TTC9: variants seen among roughly 807,000 people sequenced by gnomAD.
TTC9 encodes tetratricopeptide repeat domain 9.
TTC9 carries 13 observed loss-of-function variants against 22.9 expected under a neutral mutation model. That is an observed-to-expected ratio of 0.57 (90% CI 0.37 to 0.90). TTC9 has a LOEUF of 0.90. Ranked by LOEUF, TTC9 falls within the 40% of genes least tolerant of loss-of-function variation. The probability of loss-of-function intolerance (pLI) is 0.01; values close to 1 mark genes in which losing one functional copy is unlikely to be tolerated. For synonymous variants in TTC9, 148 were observed against 133.2 expected, an observed-to-expected ratio of 1.11 and a Z score of -0.77; for missense variants, 280 against 291.8, an observed-to-expected ratio of 0.96 and a Z score of 0.29.
At chr14:70,643,870 G>T (rs879042401) in intron 1 of TTC9, among the ~76,000 whole-genome samples, 3 of 152,200 alleles carry the variant, frequency 2.0e-5, no homozygotes, top group Admixed American at 2.0e-4. Flanking sequence ...AGGATTAATA[G>T]AGTAGTAGTA....
chr14:70,672,499 G>A lies in TTC9; in HGVS notation c.*1344G>A, dbSNP rs568326799. ...AATATGCTGTGGGACATGGGATGTC[G>A]TCTCAGTCTTCAAGGAAATGGAAGG... On this transcript the variant is annotated 3_prime_UTR_variant, in exon 3 of 3. Transcript: ENST00000256367. 18 of 152,254 alleles carry A rather than the reference G, an allele frequency of 1.2e-4. No individual in the cohort carries two copies. The highest frequency in any genetic ancestry group is 4.3e-4 in the African/African-American group (18 of 41,540). 9.4% of individuals were successfully genotyped at this position (152,254 alleles called of 1,614,324 possible). A position where few individuals can be genotyped will look rare whatever the true frequency, so the allele number is the denominator to read the frequency against.
intron 1 of TTC9, among the ~76,000 whole-genome samples, chr14:70,643,388 G>A (rs1019285925): frequency 3.9e-5 from 6 of 152,200 alleles, no homozygotes; most frequent in African/African-American, 1.4e-4. Flanking sequence ...AATATTTAAA[G>A]TCTCTTAAAA....
At chr14:70,645,166 A>G (rs1004791529) in intron 1 of TTC9, among the ~76,000 whole-genome samples, 3 of 152,164 alleles carry the variant, frequency 2.0e-5, no homozygotes, top group Non-Finnish European at 2.9e-5. Flanking sequence ...TGGAAGCCTT[A>G]TGTTTGTTTC....
At chr14:70,646,026 C>T (rs1170539312) in intron 1 of TTC9, among the ~76,000 whole-genome samples, 1 of 152,174 alleles carries the variant, frequency 6.6e-6, no homozygotes, top group Non-Finnish European at 1.5e-5. Context: ...CTAGAATGTG[C>T]TAAGAGATGT....
chr14:70,654,587 CAAAAAAAAAAAAAAAAAAAAAA>C (rs61046584), intron 1 of TTC9, among the ~76,000 whole-genome samples: 1 of 57,166 alleles, frequency 1.7e-5, no homozygotes, highest in East Asian at 3.4e-4. Context: ...GGCTCTGTCT[CAAAAAAAAAAAAAAAAAAAAAA>C]AAAAAAAAAA....
At chr14:70,667,154 G>A (rs1158871402) in intron 1 of TTC9, among the ~76,000 whole-genome samples, 1 of 152,180 alleles carries the variant, frequency 6.6e-6, no homozygotes, top group Admixed American at 6.5e-5. Context: ...CTCTGTGTGT[G>A]TCTGTCTTTG....
intron 1 of TTC9, among the ~76,000 whole-genome samples, chr14:70,666,051 A>G (rs1207535152): frequency 6.6e-6 from 1 of 151,980 alleles, no homozygotes; most frequent in Non-Finnish European, 1.5e-5. Flanking sequence ...CGAAGTATGC[A>G]ACATACTTTG....
At position 70,642,204 on chromosome 14, in the gene TTC9, ACCG is replaced by A; in HGVS notation, c.83_85del (p.Pro28del). 1.6e-6 allele frequency: 2 copies of A among 1,249,696 alleles called. No homozygotes were observed. 77.4% of individuals were successfully genotyped at this position (1,249,696 alleles called of 1,614,324 possible). A position where few individuals can be genotyped will look rare whatever the true frequency, so the allele number is the denominator to read the frequency against. ...CCGCGGCCGGAGAGGGGCAGCGGCC[ACCG>A]CCGCCGCTGTGCGTCCCGGGCGGCG... On this transcript the variant is annotated inframe_deletion, in exon 1 of 3. Transcript: ENST00000256367.
chr14:70,653,198 A>T (rs568458253), intron 1 of TTC9, among the ~76,000 whole-genome samples: 1 of 152,366 alleles, frequency 6.6e-6, no homozygotes, highest in Admixed American at 6.5e-5. Flanking sequence ...GATGCTAGTT[A>T]ATATTTGAAT....
intron 1 of TTC9, among the ~76,000 whole-genome samples, chr14:70,659,888 TG>T (rs1886120803): frequency 6.6e-6 from 1 of 152,188 alleles, no homozygotes; most frequent in Non-Finnish European, 1.5e-5. Flanking sequence ...ATTGTGACTT[TG>T]GGCAAGTGAC....
intron 1 of TTC9, among the ~76,000 whole-genome samples, chr14:70,662,527 C>A (rs1051304608): frequency 6.6e-6 from 1 of 151,986 alleles, no homozygotes; most frequent in African/African-American, 2.4e-5. Flanking sequence ...AGATACCTGA[C>A]CTTGATTAAT....
At chr14:70,642,579 G>C (rs1200546639) in intron 1 of TTC9, 44 bp downstream of exon 1, 1 of 1,503,346 alleles carries the variant, frequency 6.7e-7, no homozygotes, top group Non-Finnish European at 8.9e-7. Context: ...CCGTTCTTCG[G>C]CCCGGTCCCT....
In TTC9 at chr14:70,671,169, C is replaced by T; in HGVS notation, c.*14C>T. On this transcript the variant is annotated 3_prime_UTR_variant, in exon 3 of 3. Coordinates refer to ENST00000256367, the MANE Select transcript of TTC9 (RefSeq NM_015351.2). ...GAAGCCATGTAACCAGGAAGCAGCT[C>T]CAGAGCTGCGCCCACGCCTGACCGG... 1 of 1,612,388 alleles carries T rather than the reference C, an allele frequency of 6.2e-7. No homozygotes were observed. Among genetic ancestry groups the T allele is most frequent in the Non-Finnish European group, 8.5e-7 (1 of 1,178,994 alleles).
chr14:70,644,548 T>C (rs959578038), intron 1 of TTC9, among the ~76,000 whole-genome samples: 1 of 152,188 alleles, frequency 6.6e-6, no homozygotes, highest in Non-Finnish European at 1.5e-5. Flanking sequence ...GCAATGTTCT[T>C]GTCATCATAC....
intron 1 of TTC9, among the ~76,000 whole-genome samples, chr14:70,656,937 G>C (rs1886075383): frequency 6.6e-6 from 1 of 152,130 alleles, no homozygotes; most frequent in Admixed American, 6.5e-5. Context: ...CAAAGTCAAG[G>C]GTGAGAGTAA....
chr14:70,652,201 G>A lies in TTC9; in HGVS notation c.406+9666G>A, dbSNP rs557764584. Among the ~76,000 whole-genome samples, 8 of 152,294 alleles carry A rather than the reference G, an allele frequency of 5.3e-5. No individual in the cohort carries two copies. In the East Asian group the frequency reaches 5.8e-4, roughly 11 times the overall value. ...TGCCTTGATCTTTCTGGGAGCAGTC[G>A]GATTTGGGGAAGGAAACAGGAGACA... On this transcript the variant is annotated intron_variant, in intron 1 of 2. Coordinates refer to ENST00000256367, the MANE Select transcript of TTC9 (RefSeq NM_015351.2).
At position 70,672,718 on chromosome 14, in the gene TTC9, T is replaced by C. The variant is rs942131481; in HGVS notation, c.*1563T>C. 6.6e-6 allele frequency: 1 copy of C among 152,238 alleles called. No individual in the cohort carries two copies. The highest frequency in any genetic ancestry group is 1.5e-5 in the Non-Finnish European group (1 of 68,040). The allele number at this position is 152,238 out of a possible 1,614,324, so 9.4% of individuals were successfully genotyped here. A position where few individuals can be genotyped will look rare whatever the true frequency, so the allele number is the denominator to read the frequency against. On this transcript the variant is annotated 3_prime_UTR_variant, in exon 3 of 3. Coordinates refer to ENST00000256367, the MANE Select transcript of TTC9 (RefSeq NM_015351.2). ...AATGCATTATCTTCAGATCTTTACA[T>C]GTATAATCTCATTTCTTTCATGCAG...
Position 70,646,408 on chromosome 14 carries a change from C to G in TTC9, c.406+3873C>G, listed in dbSNP as rs1188371989. ...ACAAGACACAGGACTCCCCTGGGGC[C>G]TTGGAATGTTCAGTGTAGAACCCTT... On this transcript the variant is annotated intron_variant, in intron 1 of 2. Coordinates refer to ENST00000256367, the MANE Select transcript of TTC9 (RefSeq NM_015351.2). Among the ~76,000 whole-genome samples the G allele has an allele frequency of 2.0e-5, 3 of 152,282 alleles. No individual in the cohort carries two copies. The South Asian group carries it at 6.2e-4, about 32-fold the overall frequency.
chr14:70,664,727 TAAAA>T (rs71105722), intron 1 of TTC9, among the ~76,000 whole-genome samples: 4 of 141,088 alleles, frequency 2.8e-5, no homozygotes, highest in Non-Finnish European at 3.1e-5. Flanking sequence ...TGACTCCATT[TAAAA>T]AAAAAAAAAA....
Sources: gnomAD v4.1 joint callset for allele counts (sites outside exome capture counted in the v4.1 genomes callset) on GRCh38, gnomAD v4.1.1 for gene constraint, MANE v1.5 for transcripts, NCBI Gene and HGNC (gene_info 2026-07-23, HGNC 2026-07-21) for gene names.